The following CDH8 variants were observed in gnomAD, a reference collection of about 807,000 sequenced individuals.
CDH8 encodes the protein cadherin 8.
A neutral mutation model predicts 68.1 loss-of-function variants in CDH8; 17 were observed. That is an observed-to-expected ratio of 0.25 (90% CI 0.17 to 0.37). CDH8 has a LOEUF of 0.37. CDH8 is among the 10% of genes least tolerant of loss of function. CDH8 has a pLI of 1.00. For synonymous variants in CDH8, 372 were observed against 365.1 expected (o/e 1.02, Z -0.21); for missense variants, 763 against 999.3 (o/e 0.76, Z 3.19).
At chr16:61,810,544 A>G (rs766294859) in intron 7 of CDH8, among the ~76,000 whole-genome samples, 3 of 152,226 alleles carry the variant, frequency 2.0e-5, no homozygotes, top group Non-Finnish European at 4.4e-5. Flanking sequence ...AACAATAAAT[A>G]AAATCTACCT....
chr16:61,822,156 T>C (rs1158806673), intron 5 of CDH8, among the ~76,000 whole-genome samples: 1 of 136,534 alleles, frequency 7.3e-6, no homozygotes, highest in Non-Finnish European at 1.6e-5. Flanking sequence ...GTTTCTCCAA[T>C]AAGATAAAGT....
At chr16:61,843,727 T>C (rs1452045726) in intron 4 of CDH8, among the ~76,000 whole-genome samples, 1 of 152,206 alleles carries the variant, frequency 6.6e-6, no homozygotes, top group East Asian at 1.9e-4. Flanking sequence ...GCATGATTTA[T>C]AATCCTTTGG....
At chr16:61,673,642 T>C (rs1178400121) in intron 10 of CDH8, among the ~76,000 whole-genome samples, 1 of 152,162 alleles carries the variant, frequency 6.6e-6, no homozygotes, top group African/African-American at 2.4e-5. Flanking sequence ...ATACTATATT[T>C]GTTCTTTCTT....
intron 9 of CDH8, 37 bp from the exon 10 acceptor site, chr16:61,713,995 T>A: frequency 1.7e-6 from 2 of 1,191,972 alleles, no homozygotes; most frequent in Middle Eastern, 1.9e-4. Context: ...TTTCTGATGA[T>A]TTCAGAGGCT....
intron 10 of CDH8, among the ~76,000 whole-genome samples, chr16:61,665,020 C>A (rs924793081): frequency 4.6e-5 from 7 of 151,962 alleles, no homozygotes; most frequent in Non-Finnish European, 1.0e-4. Flanking sequence ...GTAAATAATT[C>A]TTCTGTTGAA....
intron 10 of CDH8, among the ~76,000 whole-genome samples, chr16:61,662,367 CAG>C (rs777050637): frequency 3.3e-5 from 5 of 151,484 alleles, no homozygotes; most frequent in African/African-American, 4.8e-5. Context: ...GCAGAGTAAA[CAG>C]AGAGTGTGTC....
chr16:61,990,883 A>AGGAC (rs1965704780), intron 2 of CDH8, among the ~76,000 whole-genome samples: 1 of 150,828 alleles, frequency 6.6e-6, no homozygotes, highest in Non-Finnish European at 1.5e-5. Flanking sequence ...GAAGGAAGGA[A>AGGAC]AGAAGGAAGG....
Position 62,021,494 on chromosome 16 carries a change from G to C in CDH8, c.-91C>G. 2 of 1,518,386 alleles carry C rather than the reference G, an allele frequency of 1.3e-6. No individual in the cohort carries two copies. Among genetic ancestry groups the C allele is most frequent in the Non-Finnish European group, 1.8e-6 (2 of 1,137,496 alleles). The allele number at this position is 1,518,386 out of a possible 1,614,324, so 94.1% of individuals were successfully genotyped here. A position where few individuals can be genotyped will look rare whatever the true frequency, so the allele number is the denominator to read the frequency against. On this transcript the variant is annotated 5_prime_UTR_variant, in exon 2 of 12. Transcript: ENST00000577390. Reference sequence around the variant, plus strand: ...GCCATCCAATTCATCATGCAGTGCCGAGCATTTACTTACAGCTCTGCCACG... The same window carrying C: ...GCCATCCAATTCATCATGCAGTGCCCAGCATTTACTTACAGCTCTGCCACG...
At chr16:61,960,672 T>C (rs1274533940) in intron 2 of CDH8, among the ~76,000 whole-genome samples, 2 of 152,156 alleles carry the variant, frequency 1.3e-5, no homozygotes, top group African/African-American at 4.8e-5. Context: ...TCCCCCTTTT[T>C]CATTCAGTTT....
At chr16:61,815,306 A>C (rs1337887707) in intron 7 of CDH8, among the ~76,000 whole-genome samples, 1 of 152,218 alleles carries the variant, frequency 6.6e-6, no homozygotes, top group African/African-American at 2.4e-5. Context: ...AATAGCAATA[A>C]TAATAACTAG....
At chr16:61,723,781 C>A (rs533203917) in intron 9 of CDH8, among the ~76,000 whole-genome samples, 2 of 150,700 alleles carry the variant, frequency 1.3e-5, no homozygotes, top group East Asian at 2.0e-4. Flanking sequence ...GAATCCTCAA[C>A]ACACATTCCC....
At chr16:61,989,716 A>C (rs578021278) in intron 2 of CDH8, among the ~76,000 whole-genome samples, 1 of 152,346 alleles carries the variant, frequency 6.6e-6, no homozygotes, top group Admixed American at 6.5e-5. Context: ...CTAAGGAATG[A>C]AAAACATGTG....
intron 8 of CDH8, among the ~76,000 whole-genome samples, chr16:61,755,165 G>T (rs1298075783): frequency 6.6e-6 from 1 of 152,162 alleles, no homozygotes. Context: ...TAGAATATGG[G>T]CCTCAGGTAA....
chr16:61,855,943 T>G (rs1303338213), intron 4 of CDH8, among the ~76,000 whole-genome samples: 1 of 152,116 alleles, frequency 6.6e-6, no homozygotes, highest in Non-Finnish European at 1.5e-5. Flanking sequence ...TATATAATTA[T>G]ACCCCTAATT....
chr16:61,777,748 A>C (rs1228789708), intron 8 of CDH8, among the ~76,000 whole-genome samples: 2 of 152,124 alleles, frequency 1.3e-5, no homozygotes, highest in African/African-American at 4.8e-5. Flanking sequence ...CACAAGGATT[A>C]GAATAAAACT....
chr16:61,826,866 T>C (rs979879410), intron 4 of CDH8, among the ~76,000 whole-genome samples: 1 of 151,830 alleles, frequency 6.6e-6, no homozygotes, highest in African/African-American at 2.4e-5. Flanking sequence ...CAGGGAGCAC[T>C]GAATTAGATA....
intron 8 of CDH8, among the ~76,000 whole-genome samples, chr16:61,769,191 A>G (rs1233275593): frequency 6.6e-6 from 1 of 151,788 alleles, no homozygotes; most frequent in African/African-American, 2.4e-5. Flanking sequence ...AAGTATTTCA[A>G]CCTTGCAGAA....
chr16:61,738,690 C>A (rs1165017786), intron 8 of CDH8, among the ~76,000 whole-genome samples: 1 of 152,096 alleles, frequency 6.6e-6, no homozygotes, highest in Non-Finnish European at 1.5e-5. Context: ...CTATTTTTCT[C>A]TTAATTTGTG....
chr16:61,872,805 G>C (rs1224299515), intron 3 of CDH8, among the ~76,000 whole-genome samples: 2 of 152,026 alleles, frequency 1.3e-5, no homozygotes, highest in Non-Finnish European at 2.9e-5. Context: ...TTTTATTTTT[G>C]GTACAAAAGT....
Sources: gnomAD v4.1 joint callset for allele counts (sites outside exome capture counted in the v4.1 genomes callset) on GRCh38, gnomAD v4.1.1 for gene constraint, MANE v1.5 for transcripts, NCBI Gene and HGNC (gene_info 2026-07-23, HGNC 2026-07-21) for gene names.